The following DSCAM variants were observed in gnomAD, a reference collection of about 807,000 sequenced individuals.
DSCAM encodes the protein DS cell adhesion molecule, also known as cell adhesion molecule DSCAM.
Under a neutral mutation model 217.7 loss-of-function variants are expected in DSCAM, and 47 were observed. That is an observed-to-expected ratio of 0.22 (90% CI 0.17 to 0.28). The LOEUF (loss-of-function observed/expected upper bound fraction) is 0.28. Ranked by LOEUF, DSCAM falls within the 10% of genes least tolerant of loss-of-function variation. The probability of loss-of-function intolerance (pLI) is 1.00; values close to 1 mark genes in which losing one functional copy is unlikely to be tolerated. For missense variants in DSCAM, 2,080 were observed against 2,618.3 expected, an observed-to-expected ratio of 0.79 and a Z score of 4.49; for synonymous variants, 1,056 against 1,015.3, an observed-to-expected ratio of 1.04 and a Z score of -0.76.
At chr21:40,431,445 G>T (rs1479840437) in intron 3 of DSCAM, among the ~76,000 whole-genome samples, 2 of 149,220 alleles carry the variant, frequency 1.3e-5, no homozygotes, top group East Asian at 3.9e-4. Flanking sequence ...AGACGATGAG[G>T]ACAAAGACCT....
chr21:40,353,363 G>C, intron 5 of DSCAM, 102 bp downstream of exon 5: 1 of 1,480,644 alleles, frequency 6.8e-7, no homozygotes, highest in Non-Finnish European at 9.1e-7. Flanking sequence ...GACTGTTTTG[G>C]GAGTTAATGG....
rs575989690 is a variant in DSCAM, at chr21:40,028,147, TG to T, written c.5686+14223del. ...CTGTGAGGTGTCAGTCTGCCCCTGC[TG>T]GGGGGTGCCTCCCAGTTAGGCTGCT... On this transcript the variant is annotated intron_variant, in intron 32 of 32. Transcript: ENST00000400454. 4.6e-3 allele frequency among the ~76,000 whole-genome samples: 418 copies of T among 90,140 alleles called. 5 individuals carry two copies. Among genetic ancestry groups the T allele is most frequent in the African/African-American group, 0.011 (253 of 22,314 alleles). The allele number at this position is 90,140 out of a possible 152,430, so 59.1% of individuals were successfully genotyped here. A position where few individuals can be genotyped will look rare whatever the true frequency, so the allele number is the denominator to read the frequency against.
At chr21:40,425,531 A>AC (rs372959697) in intron 3 of DSCAM, among the ~76,000 whole-genome samples, 5,931 of 145,302 alleles carry the variant, frequency 0.041, 197 homozygotes, top group African/African-American at 0.093. Context: ...GAATTTTTTT[A>AC]CCCCCCCCTA....
At chr21:40,225,611 A>G (rs1385496904) in intron 11 of DSCAM, among the ~76,000 whole-genome samples, 1 of 152,088 alleles carries the variant, frequency 6.6e-6, no homozygotes, top group Non-Finnish European at 1.5e-5. Context: ...AGGGATTAAG[A>G]GGCCCCGCCA....
At chr21:40,648,729 A>C (rs2089979715) in intron 3 of DSCAM, among the ~76,000 whole-genome samples, 1 of 152,162 alleles carries the variant, frequency 6.6e-6, no homozygotes, top group African/African-American at 2.4e-5. Flanking sequence ...TTGAGTCCAT[A>C]AAAAGCTCCA....
chr21:40,169,717 T>C (rs762107747), intron 15 of DSCAM, among the ~76,000 whole-genome samples: 25 of 152,240 alleles, frequency 1.6e-4, no homozygotes, highest in Middle Eastern at 3.4e-3. Flanking sequence ...GTACTTATAA[T>C]TAAAACAAAG....
At chr21:40,201,095 T>C (rs1251415965) in intron 11 of DSCAM, among the ~76,000 whole-genome samples, 1 of 152,182 alleles carries the variant, frequency 6.6e-6, no homozygotes, top group East Asian at 1.9e-4. Context: ...CAAATTCATG[T>C]TTCCAAGCTG....
intron 1 of DSCAM, among the ~76,000 whole-genome samples, chr21:40,769,317 G>C (rs1469947786): frequency 6.6e-6 from 1 of 152,194 alleles, no homozygotes; most frequent in Non-Finnish European, 1.5e-5. Context: ...TTTCCATTTA[G>C]GGAATGTGGG....
At position 40,334,577 on chromosome 21, in the gene DSCAM, C is replaced by T. The variant is rs139869295; in HGVS notation, c.1783+3524G>A. On this transcript the variant is annotated intron_variant, in intron 8 of 32. Coordinates refer to ENST00000400454, the MANE Select transcript of DSCAM (RefSeq NM_001389.5). ...CACCTGGATTCACTTTCCAACAGGT[C>T]ATTCTACTTGCCCCCTTTCCCCGAA... is the stretch of plus-strand genomic sequence containing the variant. Among the ~76,000 whole-genome samples the T allele has an allele frequency of 1.7e-4, 26 of 152,292 alleles. No individual in the cohort carries two copies. In the East Asian group the frequency reaches 4.7e-3, roughly 27 times the overall value.
At chr21:40,037,346 G>A (rs2088645296) in intron 32 of DSCAM, among the ~76,000 whole-genome samples, 1 of 149,528 alleles carries the variant, frequency 6.7e-6, no homozygotes, top group Admixed American at 6.6e-5. Context: ...ATGTACAAAA[G>A]TCACAAGCAT....
At chr21:40,823,293 T>TTA (rs2091944261) in intron 1 of DSCAM, among the ~76,000 whole-genome samples, 1 of 149,398 alleles carries the variant, frequency 6.7e-6, no homozygotes, top group African/African-American at 2.5e-5. Flanking sequence ...AGATAAACCA[T>TTA]AAAAAAAAAC....
At chr21:40,587,714 G>C (rs1364703004) in intron 3 of DSCAM, among the ~76,000 whole-genome samples, 1 of 152,114 alleles carries the variant, frequency 6.6e-6, no homozygotes, top group Non-Finnish European at 1.5e-5. Context: ...GTCATTTTCT[G>C]ATGTACAAGC....
chr21:40,806,016 A>G (rs1340611446), intron 1 of DSCAM, among the ~76,000 whole-genome samples: 2 of 152,090 alleles, frequency 1.3e-5, no homozygotes, highest in East Asian at 1.9e-4. Context: ...CCTAAACACA[A>G]TGTTTTCTAA....
chr21:40,212,256 C>G (rs2091192975), intron 11 of DSCAM: 1 of 154,394 alleles, frequency 6.5e-6, no homozygotes, highest in South Asian at 2.0e-4. Flanking sequence ...GCGTGAGCCA[C>G]TGTGCCCAGT....
At chr21:40,104,726 G>A (rs568580282) in intron 20 of DSCAM, among the ~76,000 whole-genome samples, 62 of 152,238 alleles carry the variant, frequency 4.1e-4, no homozygotes, top group African/African-American at 1.3e-3. Flanking sequence ...GTCAATGTAG[G>A]TTCCACCATT....
intron 13 of DSCAM, 70 bp downstream of exon 13, chr21:40,187,821 C>T (rs1568989817): frequency 7.5e-7 from 1 of 1,331,310 alleles, no homozygotes; most frequent in Non-Finnish European, 1.1e-6. Context: ...CACAGAGATG[C>T]CTGAGGCTGA....
intron 32 of DSCAM, 44 bp downstream of exon 32, chr21:40,042,327 G>A: frequency 1.3e-6 from 2 of 1,588,306 alleles, no homozygotes; most frequent in African/African-American, 2.7e-5. Context: ...CCAGGAAGGT[G>A]CACTTCCCTA....
chr21:40,575,944 C>T (rs2178841), intron 3 of DSCAM, among the ~76,000 whole-genome samples: 73,988 of 151,918 alleles, frequency 0.49, 18,308 homozygotes, highest in Admixed American at 0.56. Context: ...ACAATACCAT[C>T]TCATACACAC....
intron 19 of DSCAM, among the ~76,000 whole-genome samples, chr21:40,131,157 C>T (rs533903047): frequency 3.3e-5 from 5 of 152,158 alleles, no homozygotes. Context: ...AATTACAAAG[C>T]TTTCTCATTG....
Sources: allele counts gnomAD v4.1 joint callset (sites outside exome capture counted in the v4.1 genomes callset), GRCh38; gene constraint gnomAD v4.1.1; transcripts MANE v1.5; gene names NCBI Gene and HGNC (gene_info 2026-07-23, HGNC 2026-07-21).